The following PIK3R5 variants were observed in gnomAD, a reference collection of about 807,000 sequenced individuals.
PIK3R5 encodes phosphoinositide-3-kinase regulatory subunit 5, also known as phosphoinositide 3-kinase regulatory subunit 5.
In PIK3R5, 32 loss-of-function variants were observed where a neutral mutation model predicts 94.9. The ratio of observed to expected loss-of-function variants is 0.34; its 90% CI spans 0.25 to 0.45. The LOEUF is 0.45. PIK3R5 is among the 20% of genes least tolerant of loss of function. The pLI is 1.00. For missense variants in PIK3R5, 853 were observed against 1,144.6 expected (o/e 0.75, Z 3.68); for synonymous variants, 443 against 479.4 (o/e 0.92, Z 0.99).
chr17:8,904,921 A>T lies in PIK3R5; in HGVS notation c.274-6T>A. On this transcript the variant is annotated splice_polypyrimidine_tract_variant and splice_region_variant and intron_variant, in intron 4 of 18. Coordinates refer to ENST00000447110, the MANE Select transcript of PIK3R5 (RefSeq NM_001142633.3). The surrounding 1 kb of genome is among the most constrained non-coding windows in gnomAD (Gnocchi z 5.1). The stretch of plus-strand genomic sequence containing the variant: ...TCTGGTGGGAAGTGTGGTGTCTAGG[A>T]TGGAGGCAGGCAACAAGCAAAGAGA... 6.2e-7 allele frequency: 1 copy of T among 1,611,906 alleles called. No individual in the cohort carries two copies.
intron 15 of PIK3R5, among the ~76,000 whole-genome samples, chr17:8,883,003 C>T (rs773450219): frequency 1.3e-5 from 2 of 152,236 alleles, no homozygotes; most frequent in Non-Finnish European, 2.9e-5. Flanking sequence ...AATCATGTCA[C>T]AGGCATTCCC....
chr17:8,886,917 A>C lies in PIK3R5; in HGVS notation c.1905+179T>G, dbSNP rs61761070. Among the ~76,000 whole-genome samples, 4,307 of 152,216 alleles carry C rather than the reference A, an allele frequency of 0.028. 214 individuals carry two copies. The highest frequency in any genetic ancestry group is 0.098 in the African/African-American group (4,049 of 41,510). Reference sequence around the variant, plus strand: ...TCACTGCAGTGACCCCAGCTCTCACACTCAGTGTCCTGAGTTCAGGCTCAG... The same window carrying C: ...TCACTGCAGTGACCCCAGCTCTCACCCTCAGTGTCCTGAGTTCAGGCTCAG... On this transcript the variant is annotated intron_variant, in intron 12 of 18. Coordinates refer to ENST00000447110, the MANE Select transcript of PIK3R5 (RefSeq NM_001142633.3).
chr17:8,892,570 T>A lies in PIK3R5; in HGVS notation c.482+1016A>T, dbSNP rs1052963713. ...CTTAGGATGGTGCCTGGAGTCCGAA[T>A]AAAGGTCTAAAGGGCTTTGATGATT... On this transcript the variant is annotated intron_variant, in intron 6 of 18. Transcript: ENST00000447110. This position sits in a 1 kb window ranked among gnomAD's most constrained non-coding sequence, Gnocchi z 4.3. Among the ~76,000 whole-genome samples the A allele has an allele frequency of 1.3e-5, 2 of 152,150 alleles. No homozygotes were observed. The highest frequency in any genetic ancestry group is 4.8e-5 in the African/African-American group (2 of 41,420).
intron 1 of PIK3R5, among the ~76,000 whole-genome samples, chr17:8,954,030 C>A (rs762092009): frequency 2.0e-5 from 3 of 151,372 alleles, no homozygotes; most frequent in Non-Finnish European, 4.4e-5. Flanking sequence ...CCGCTCTCCC[C>A]TTCCCCCAGA....
chr17:8,904,927 G>T lies in PIK3R5; in HGVS notation c.274-12C>A, dbSNP rs777676173. On this transcript the variant is annotated splice_polypyrimidine_tract_variant and intron_variant, in intron 4 of 18. Transcript: ENST00000447110. The surrounding 1 kb of genome is among the most constrained non-coding windows in gnomAD (Gnocchi z 5.1). The stretch of plus-strand genomic sequence containing the variant: ...GGGAAGTGTGGTGTCTAGGATGGAG[G>T]CAGGCAACAAGCAAAGAGATCTAGG... 2 of 1,611,084 alleles carry T rather than the reference G, an allele frequency of 1.2e-6. No homozygotes were observed. Among genetic ancestry groups the T allele is most frequent in the Non-Finnish European group, 1.7e-6 (2 of 1,179,902 alleles).
chr17:8,881,579 G>T lies in PIK3R5; in HGVS notation c.2382+51C>A. 1 of 1,217,020 alleles carries T rather than the reference G, an allele frequency of 8.2e-7. No individual in the cohort carries two copies. The highest frequency in any genetic ancestry group is 1.2e-6 in the Non-Finnish European group (1 of 847,692). 75.4% of individuals were successfully genotyped at this position (1,217,020 alleles called of 1,614,324 possible). A position where few individuals can be genotyped will look rare whatever the true frequency, so the allele number is the denominator to read the frequency against. The stretch of plus-strand genomic sequence containing the variant: ...CACGTACACACATACGCACATGCAC[G>T]CTCCAGTAAGTCTCTTGAGGGTATG... On this transcript the variant is annotated intron_variant, in intron 17 of 18. Transcript: ENST00000447110. The surrounding 1 kb of genome is among the most constrained non-coding windows in gnomAD (Gnocchi z 4.8).
Position 8,880,627 on chromosome 17 carries a change from G to C in PIK3R5, c.*12C>G. 6.3e-7 allele frequency: 1 copy of C among 1,595,638 alleles called. No homozygotes were observed. Among genetic ancestry groups the C allele is most frequent in the Non-Finnish European group, 8.5e-7 (1 of 1,171,228 alleles). Reference sequence around the variant, plus strand: ...CCCCAGGGCTTCTGTCCAGTCTGGCGCTGGGCCCACACTAGGGCAGAGCTC... The same window carrying C: ...CCCCAGGGCTTCTGTCCAGTCTGGCCCTGGGCCCACACTAGGGCAGAGCTC... On this transcript the variant is annotated 3_prime_UTR_variant, in exon 19 of 19. Coordinates refer to ENST00000447110, the MANE Select transcript of PIK3R5 (RefSeq NM_001142633.3).
At position 8,881,127 on chromosome 17, in the gene PIK3R5, C is replaced by A; in HGVS notation, c.2383-110G>T. 1.2e-6 allele frequency: 1 copy of A among 837,432 alleles called. No homozygotes were observed. The highest frequency in any genetic ancestry group is 2.0e-6 in the Non-Finnish European group (1 of 495,626). 51.9% of individuals were successfully genotyped at this position (837,432 alleles called of 1,614,324 possible). On this transcript the variant is annotated intron_variant, in intron 17 of 18. Coordinates refer to ENST00000447110, the MANE Select transcript of PIK3R5 (RefSeq NM_001142633.3). The surrounding 1 kb of genome is among the most constrained non-coding windows in gnomAD (Gnocchi z 4.8). ...ATCCACTTCTAGGGGTGTGGGAGGG[C>A]AGGGGTTTGTCTGACTGCGCTCCAG...
Position 8,949,623 on chromosome 17 carries a change from T to C in PIK3R5, c.-14+15973A>G, listed in dbSNP as rs1030726898. ...GTAATGGCATTTGCAGCAACCTGAATAGGATTGGACACTATTATTCTAAGT... is the reference window on the plus strand; with the variant it reads ...GTAATGGCATTTGCAGCAACCTGAACAGGATTGGACACTATTATTCTAAGT... On this transcript the variant is annotated intron_variant, in intron 1 of 18. Coordinates refer to ENST00000447110, the MANE Select transcript of PIK3R5 (RefSeq NM_001142633.3). Among the ~76,000 whole-genome samples, 21 of 152,144 alleles carry C rather than the reference T, an allele frequency of 1.4e-4. 1 individual carries two copies. Among genetic ancestry groups the C allele is most frequent in the Admixed American group, 1.2e-3 (19 of 15,274 alleles).
intron 1 of PIK3R5, among the ~76,000 whole-genome samples, chr17:8,954,910 C>T (rs1022851051): frequency 1.4e-5 from 2 of 142,624 alleles, no homozygotes; most frequent in African/African-American, 5.3e-5. Flanking sequence ...GCACTCCAGT[C>T]TGGGCAACAG....
intron 1 of PIK3R5, among the ~76,000 whole-genome samples, chr17:8,943,970 C>G (rs553960338): frequency 3.3e-4 from 50 of 151,492 alleles, no homozygotes; most frequent in Non-Finnish European, 6.5e-4. Context: ...GTTTATTGGA[C>G]AGATTACTTC....
intron 1 of PIK3R5, among the ~76,000 whole-genome samples, chr17:8,920,402 A>C (rs183997712): frequency 6.6e-6 from 1 of 152,208 alleles, no homozygotes; most frequent in African/African-American, 2.4e-5. Flanking sequence ...CACTCTACAG[A>C]TATGAAAACA....
rs373480 is a variant in PIK3R5 at position 8,882,698 on chromosome 17, C to A, written c.2206-817G>T. Among the ~76,000 whole-genome samples the A allele has an allele frequency of 9.2e-5, 14 of 152,128 alleles. No homozygotes were observed. Among genetic ancestry groups the A allele is most frequent in the African/African-American group, 2.9e-4 (12 of 41,442 alleles). On this transcript the variant is annotated intron_variant, in intron 15 of 18. Coordinates refer to ENST00000447110, the MANE Select transcript of PIK3R5 (RefSeq NM_001142633.3). This position sits in a 1 kb window ranked among gnomAD's most constrained non-coding sequence, Gnocchi z 4.1. ...CTCAAGCTCTTCCCCAACTGGACCC[C>A]GGCCTCTTCCTGTGGTCCCCCCAGA...
intron 1 of PIK3R5, among the ~76,000 whole-genome samples, chr17:8,917,854 A>G (rs1158263429): frequency 6.6e-6 from 1 of 152,184 alleles, no homozygotes; most frequent in Non-Finnish European, 1.5e-5. Context: ...TGACACAGCA[A>G]GACTCCATGT....
chr17:8,905,828 T>TTTA, intron 3 of PIK3R5, 91 bp from the exon 4 acceptor site: 1 of 624,916 alleles, frequency 1.6e-6, no homozygotes, highest in Non-Finnish European at 2.5e-6. Flanking sequence ...CATTCTAGCC[T>TTTA]TTCTTTTTTT....
At chr17:8,918,798 T>C (rs1185369766) in intron 1 of PIK3R5, among the ~76,000 whole-genome samples, 1 of 152,216 alleles carries the variant, frequency 6.6e-6, no homozygotes, top group East Asian at 1.9e-4. Context: ...ATTAACCATA[T>C]GATCAAGGTT....
chr17:8,886,269 C>A lies in PIK3R5; in HGVS notation c.2088G>T (p.Glu696Asp). The change falls in exon 14 of 19, where the codon GAG becomes GAT. Residue 696 changes from glutamate (E) to aspartate (D), a missense_variant. Transcript: ENST00000447110. ...KTTEIFIHSL[E>D]LGHSAATRAI... is the part of the protein sequence containing the mutation. Reference sequence around the variant, plus strand: ...CACGTGTGGCAGCGGAGTGACCCAGCTCCAAGGAGTGGATGAAGATCTCTG... The same window carrying A: ...CACGTGTGGCAGCGGAGTGACCCAGATCCAAGGAGTGGATGAAGATCTCTG... 1 of 1,613,680 alleles carries A rather than the reference C, an allele frequency of 6.2e-7. No individual in the cohort carries two copies. Among genetic ancestry groups the A allele is most frequent in the Non-Finnish European group, 8.5e-7 (1 of 1,179,976 alleles).
Position 8,905,735 on chromosome 17 carries a change from G to T in PIK3R5, c.207C>A (p.Val69=). ...LEQILQKTRE[V]QEKGTYDLLT... is the part of the protein sequence containing the mutation. The stretch of plus-strand genomic sequence containing the variant: ...GCAGGTCGTAGGTGCCCTTCTCCTG[G>T]ACCTGTGGAGAGGAGGAGAAGGGGA... Residue 69 remains valine (V), a splice_region_variant and synonymous_variant, in exon 4 of 19, where the codon GTC becomes GTA. Transcript: ENST00000447110. 1.3e-6 allele frequency: 2 copies of T among 1,596,340 alleles called. No individual in the cohort carries two copies. Among genetic ancestry groups the T allele is most frequent in the Non-Finnish European group, 1.7e-6 (2 of 1,171,040 alleles).
chr17:8,906,492 T>A (rs2090399700), intron 3 of PIK3R5, among the ~76,000 whole-genome samples: 1 of 152,232 alleles, frequency 6.6e-6, no homozygotes, highest in Non-Finnish European at 1.5e-5. Context: ...ATTACAGGTG[T>A]TGATTTTTCC....
Sources: allele counts gnomAD v4.1 joint callset (sites outside exome capture counted in the v4.1 genomes callset), GRCh38; gene constraint gnomAD v4.1.1; non-coding constraint Gnocchi (gnomAD v3.1); transcripts MANE v1.5; gene names NCBI Gene and HGNC (gene_info 2026-07-23, HGNC 2026-07-21).